The following GPC6 variants were observed in gnomAD, a reference collection of about 807,000 sequenced individuals.
GPC6 encodes glypican 6, also known as glypican-6.
A neutral mutation model predicts 55.2 loss-of-function variants in GPC6; 14 were observed. That is an observed-to-expected ratio of 0.25 (90% confidence interval 0.17 to 0.40). The LOEUF is 0.40. Among genes scored for constraint, GPC6 ranks in the 10% least tolerant of loss-of-function variants. GPC6 has a pLI of 1.00. For missense variants in GPC6, 641 were observed against 708.5 expected, an observed-to-expected ratio of 0.90 and a Z score of 1.08; for synonymous variants, 278 against 259.6, an observed-to-expected ratio of 1.07 and a Z score of -0.68.
chr13:94,053,213 G>C (rs1040076373), intron 4 of GPC6, among the ~76,000 whole-genome samples: 5 of 152,076 alleles, frequency 3.3e-5, no homozygotes, highest in Non-Finnish European at 7.4e-5. Flanking sequence ...ACTTTCGGGG[G>C]ATACGTGATG....
chr13:94,272,907 C>T (rs1892091511), intron 4 of GPC6, among the ~76,000 whole-genome samples: 1 of 152,092 alleles, frequency 6.6e-6, no homozygotes, highest in African/African-American at 2.4e-5. Context: ...CATCACCAGG[C>T]TCCTCGTGTC....
chr13:93,278,249 T>TTA (rs1555287117), intron 1 of GPC6, among the ~76,000 whole-genome samples: 7 of 151,976 alleles, frequency 4.6e-5, no homozygotes, highest in Middle Eastern at 3.4e-3. Flanking sequence ...GATTTTTTTT[T>TTA]AAAAAGTTTG....
chr13:93,946,116 A>G (rs1426409239), intron 3 of GPC6, among the ~76,000 whole-genome samples: 2 of 152,180 alleles, frequency 1.3e-5, no homozygotes, highest in Non-Finnish European at 2.9e-5. Flanking sequence ...TACTTCTATC[A>G]TGGCCAATTT....
chr13:93,749,144 T>C (rs1657937426), intron 2 of GPC6, among the ~76,000 whole-genome samples: 2 of 152,072 alleles, frequency 1.3e-5, no homozygotes, highest in African/African-American at 4.8e-5. Context: ...TTTCCATTCT[T>C]CAGATGTTTC....
chr13:94,059,082 GTT>G (rs559810366), intron 4 of GPC6, among the ~76,000 whole-genome samples: 1 of 146,450 alleles, frequency 6.8e-6, no homozygotes, highest in African/African-American at 2.5e-5. Context: ...TATTTATAGA[GTT>G]TTTTTTTTTA....
chr13:93,305,563 G>A (rs2057525), intron 1 of GPC6, among the ~76,000 whole-genome samples: 35,950 of 151,954 alleles, frequency 0.24, 4,367 homozygotes, highest in East Asian at 0.28. Flanking sequence ...AAAGAGCCAC[G>A]GAGATACTAC....
chr13:93,863,384 T>G (rs1490724258), intron 3 of GPC6, among the ~76,000 whole-genome samples: 3 of 151,756 alleles, frequency 2.0e-5, no homozygotes, highest in African/African-American at 7.2e-5. Flanking sequence ...TGTTCACCAA[T>G]TTCTGTTGTA....
intron 1 of GPC6, among the ~76,000 whole-genome samples, chr13:93,489,632 C>G (rs926270241): frequency 6.6e-6 from 1 of 151,564 alleles, no homozygotes; most frequent in Non-Finnish European, 1.5e-5. Context: ...TTGTTTGTGT[C>G]CTCTTTTATT....
At chr13:93,260,427 G>A (rs1877104579) in intron 1 of GPC6, among the ~76,000 whole-genome samples, 2 of 152,032 alleles carry the variant, frequency 1.3e-5, no homozygotes, top group Admixed American at 6.6e-5. Context: ...GAATCTCAGT[G>A]TCAAACTCCA....
At chr13:94,041,499 G>A (rs374794913) in intron 4 of GPC6, among the ~76,000 whole-genome samples, 1 of 151,738 alleles carries the variant, frequency 6.6e-6, no homozygotes, top group Admixed American at 6.6e-5. Context: ...GTAATACCAC[G>A]TGTGATCTTT....
At chr13:94,364,325 G>A (rs1879194546) in intron 6 of GPC6, among the ~76,000 whole-genome samples, 2 of 152,188 alleles carry the variant, frequency 1.3e-5, no homozygotes, top group South Asian at 4.1e-4. Context: ...CATAAGCAGA[G>A]TAAATCGTAC....
intron 2 of GPC6, among the ~76,000 whole-genome samples, chr13:93,754,730 C>A (rs568389422): frequency 2.0e-5 from 3 of 151,808 alleles, no homozygotes; most frequent in Admixed American, 6.6e-5. Context: ...ATCGATGGAA[C>A]TACTGTTCTC....
chr13:93,417,767 T>C (rs1594155341), intron 1 of GPC6, among the ~76,000 whole-genome samples: 2 of 152,178 alleles, frequency 1.3e-5, no homozygotes, highest in East Asian at 3.9e-4. Context: ...AAGAACAGAT[T>C]AGAACTGGGA....
At position 93,912,514 on chromosome 13, in the gene GPC6, C is replaced by T. The variant is rs186230773; in HGVS notation, c.711+81969C>T. Among the ~76,000 whole-genome samples the T allele has an allele frequency of 1.0e-3, 158 of 152,180 alleles. 3 individuals carry two copies. The South Asian group carries it at 0.012, about 11-fold the overall frequency. On this transcript the variant is annotated intron_variant, in intron 3 of 8. Coordinates refer to ENST00000377047, the MANE Select transcript of GPC6 (RefSeq NM_005708.5). ...ATCCCAGCAATTTGGGAGGCCAAGG[C>T]GGGCGGATCACAAGGTCAGGAGATC...
intron 4 of GPC6, among the ~76,000 whole-genome samples, chr13:94,095,209 G>A (rs778388464): frequency 9.2e-5 from 14 of 152,070 alleles, no homozygotes; most frequent in African/African-American, 2.4e-4. Flanking sequence ...ATTTAAATCC[G>A]TGAGTTTTTA....
At chr13:94,144,472 C>G (rs1887492224) in intron 4 of GPC6, among the ~76,000 whole-genome samples, 1 of 149,232 alleles carries the variant, frequency 6.7e-6, no homozygotes. Flanking sequence ...TTTTTCAAGA[C>G]TAATAATTCC....
chr13:93,611,224 C>T (rs1309697898), intron 2 of GPC6, among the ~76,000 whole-genome samples: 1 of 151,920 alleles, frequency 6.6e-6, no homozygotes, highest in East Asian at 1.9e-4. Flanking sequence ...GAAATTAAGG[C>T]AATGGTAAAA....
intron 4 of GPC6, among the ~76,000 whole-genome samples, chr13:94,229,681 T>A (rs2139011544): frequency 6.6e-6 from 1 of 152,288 alleles, no homozygotes; most frequent in African/African-American, 2.4e-5. Flanking sequence ...ATAGCCTCAT[T>A]GACTTACAAA....
intron 2 of GPC6, among the ~76,000 whole-genome samples, chr13:93,685,260 C>A (rs1330836058): frequency 6.6e-6 from 1 of 152,132 alleles, no homozygotes; most frequent in Non-Finnish European, 1.5e-5. Flanking sequence ...TTTGGCTGTT[C>A]CAGGTAGCAG....
Sources: allele counts gnomAD v4.1 joint callset (sites outside exome capture counted in the v4.1 genomes callset), GRCh38; gene constraint gnomAD v4.1.1; transcripts MANE v1.5; gene names NCBI Gene and HGNC (gene_info 2026-07-23, HGNC 2026-07-21).